The following TLN2 variants were observed in gnomAD, a reference collection of about 807,000 sequenced individuals.
TLN2 encodes the protein talin-2.
In TLN2, 118 loss-of-function variants were observed where a neutral mutation model predicts 294.7. That is an observed-to-expected ratio of 0.40 (90% CI 0.34 to 0.47). The LOEUF (loss-of-function observed/expected upper bound fraction) is 0.47, where lower values mean the gene tolerates loss of function less well. Among genes scored for constraint, TLN2 ranks in the 20% least tolerant of loss-of-function variants. The pLI, the probability that TLN2 is intolerant of heterozygous loss-of-function variation, is 0.84. For missense variants in TLN2, 3,083 were observed against 3,282.2 expected (o/e 0.94, Z 1.48); for synonymous variants, 1,431 against 1,304.5 (o/e 1.10, Z -2.09).
chr15:62,700,421 G>A (rs76309837), intron 16 of TLN2, among the ~76,000 whole-genome samples: 7,494 of 152,128 alleles, frequency 0.049, 591 homozygotes, highest in African/African-American at 0.16. Flanking sequence ...TCAAATAAAC[G>A]TAAAGTATAA....
At chr15:62,747,104 A>C (rs947044385) in intron 32 of TLN2, among the ~76,000 whole-genome samples, 4 of 152,216 alleles carry the variant, frequency 2.6e-5, no homozygotes, top group African/African-American at 9.6e-5. Context: ...ACTATGAGCT[A>C]TATCTTATAC....
intron 1 of TLN2, among the ~76,000 whole-genome samples, chr15:62,589,129 A>G (rs2045890069): frequency 6.6e-6 from 1 of 152,154 alleles, no homozygotes; most frequent in Admixed American, 6.5e-5. Flanking sequence ...TACTGTGGCT[A>G]GGCCATTTTG....
intron 41 of TLN2, among the ~76,000 whole-genome samples, chr15:62,766,639 A>G (rs2063026034): frequency 6.6e-6 from 1 of 152,198 alleles, no homozygotes; most frequent in African/African-American, 2.4e-5. Flanking sequence ...AGTTCAGAAG[A>G]AAACTTCAGT....
intron 28 of TLN2, among the ~76,000 whole-genome samples, chr15:62,736,005 A>C (rs904045975): frequency 6.6e-6 from 1 of 152,206 alleles, no homozygotes; most frequent in Admixed American, 6.5e-5. Flanking sequence ...TGGTTCTGTT[A>C]ACATGAAGTT....
intron 12 of TLN2, chr15:62,687,900 T>C (rs1375486423): frequency 1.3e-5 from 2 of 152,260 alleles, no homozygotes; most frequent in Non-Finnish European, 2.9e-5. Flanking sequence ...TGTCCTCATC[T>C]TCCATTGCAG....
At position 62,752,162 on chromosome 15, in the gene TLN2, C is replaced by T. The variant is rs981972833; in HGVS notation, c.4210-143C>T. 6 of 1,126,428 alleles carry T rather than the reference C, an allele frequency of 5.3e-6. No homozygotes were observed. In the South Asian group the frequency reaches 9.2e-5, roughly 17 times the overall value. 69.8% of individuals were successfully genotyped at this position (1,126,428 alleles called of 1,614,324 possible). On this transcript the variant is annotated intron_variant, in intron 34 of 58. Coordinates refer to ENST00000636159, the MANE Select transcript of TLN2 (RefSeq NM_015059.3). The stretch of plus-strand genomic sequence containing the variant: ...TGGAAATGATGTAATTTTCTTCCAT[C>T]TCTTTTTAATCCAAATAAAGGAGAA...
At chr15:62,644,053 C>A (rs892942740) in intron 3 of TLN2, among the ~76,000 whole-genome samples, 5 of 152,094 alleles carry the variant, frequency 3.3e-5, no homozygotes, top group Non-Finnish European at 7.4e-5. Flanking sequence ...TCCTCTGCCC[C>A]CTCCTAGCAT....
At chr15:62,423,131 C>T (rs868463635) in intron 1 of TLN2, among the ~76,000 whole-genome samples, 2 of 152,168 alleles carry the variant, frequency 1.3e-5, no homozygotes, top group Non-Finnish European at 1.5e-5. Context: ...CGGTGGCTCA[C>T]GCCTGTAATC....
chr15:62,759,430 C>A (rs1292862029), intron 37 of TLN2, among the ~76,000 whole-genome samples: 3 of 151,830 alleles, frequency 2.0e-5, no homozygotes, highest in South Asian at 4.2e-4. Context: ...AACAAAAGCC[C>A]CAAACAAACA....
At chr15:62,762,583 C>A (rs1567550207) in intron 39 of TLN2, 130 bp downstream of exon 39, 1 of 1,035,964 alleles carries the variant, frequency 9.7e-7, no homozygotes, top group Non-Finnish European at 1.4e-6. Context: ...CTCTTTGGGG[C>A]CGGAAGCACT....
intron 1 of TLN2, among the ~76,000 whole-genome samples, chr15:62,563,770 T>G (rs1463647676): frequency 6.6e-6 from 1 of 152,188 alleles, no homozygotes; most frequent in East Asian, 1.9e-4. Flanking sequence ...CCTGCGAGGG[T>G]TGGCTTCACT....
intron 1 of TLN2, among the ~76,000 whole-genome samples, chr15:62,503,263 C>T (rs921860657): frequency 6.6e-6 from 1 of 152,064 alleles, no homozygotes; most frequent in Admixed American, 6.5e-5. Context: ...ACCAATGCAC[C>T]TACCCTCCTA....
intron 52 of TLN2, among the ~76,000 whole-genome samples, chr15:62,813,307 T>C (rs2066838834): frequency 6.6e-6 from 1 of 152,246 alleles, no homozygotes; most frequent in African/African-American, 2.4e-5. Flanking sequence ...CTTGTCCTCA[T>C]TGTATACAAT....
At chr15:62,796,351 A>G (rs1314070202) in intron 47 of TLN2, 58 bp downstream of exon 47, 21 of 1,546,006 alleles carry the variant, frequency 1.4e-5, no homozygotes, top group Non-Finnish European at 1.8e-5. Context: ...GAAACTCATG[A>G]TCGACTTGGA....
At chr15:62,481,999 G>C (rs1420557475) in intron 1 of TLN2, among the ~76,000 whole-genome samples, 4 of 151,526 alleles carry the variant, frequency 2.6e-5, no homozygotes, top group African/African-American at 7.3e-5. Context: ...ATTTCACCAT[G>C]TTGGCCAGGC....
intron 1 of TLN2, among the ~76,000 whole-genome samples, chr15:62,571,434 ACT>A (rs2043850654): frequency 6.6e-6 from 1 of 151,880 alleles, no homozygotes. Flanking sequence ...AACTTAATAG[ACT>A]CTATCCCTAC....
Position 62,835,934 on chromosome 15 carries a change from C to A in TLN2, c.7235C>A (p.Ala2412Asp), listed in dbSNP as rs1267790147. 6.2e-7 allele frequency: 1 copy of A among 1,614,080 alleles called. No individual in the cohort carries two copies. Among genetic ancestry groups the A allele is most frequent in the Non-Finnish European group, 8.5e-7 (1 of 1,180,044 alleles). The change falls in exon 57 of 59, where the codon GCC (alanine) becomes GAC (aspartate). Residue 2412 changes from alanine (A) to aspartate (D), a missense_variant. Transcript: ENST00000636159. ...GCGACCAGCAGTCTCTGTGAGGCGGCCAATGCCTCCGTTCAGGGACACGCC... is the reference window on the plus strand; with the variant it reads ...GCGACCAGCAGTCTCTGTGAGGCGGACAATGCCTCCGTTCAGGGACACGCC... ...AAATSSLCEA[A>D]NASVQGHASE...
chr15:62,659,388 C>T (rs2053579077), intron 9 of TLN2, among the ~76,000 whole-genome samples: 1 of 152,164 alleles, frequency 6.6e-6, no homozygotes, highest in African/African-American at 2.4e-5. Flanking sequence ...AGCAAAGGTA[C>T]TTAAAACTGG....
chr15:62,625,516 T>A (rs1203419709), intron 3 of TLN2, among the ~76,000 whole-genome samples: 1 of 151,602 alleles, frequency 6.6e-6, no homozygotes, highest in Non-Finnish European at 1.5e-5. Flanking sequence ...GAGATGGTCT[T>A]GGAGGTTTCT....
Sources: gnomAD v4.1 joint callset for allele counts (sites outside exome capture counted in the v4.1 genomes callset) on GRCh38, gnomAD v4.1.1 for gene constraint, MANE v1.5 for transcripts, NCBI Gene and HGNC (gene_info 2026-07-23, HGNC 2026-07-21) for gene names.